The following SIM1 variants were observed in gnomAD, a reference collection of about 807,000 sequenced individuals.
The protein encoded by SIM1 is single-minded homolog 1.
SIM1 carries 18 observed loss-of-function variants against 78.2 expected under a neutral mutation model. The ratio of observed to expected loss-of-function variants is 0.23; its 90% confidence interval spans 0.16 to 0.34. The LOEUF (loss-of-function observed/expected upper bound fraction) is 0.34, where lower values mean the gene tolerates loss of function less well. SIM1 is among the 10% of genes least tolerant of loss of function. SIM1 has a pLI of 1.00. For synonymous variants in SIM1, 417 were observed against 385.2 expected (o/e 1.08, Z -0.97); for missense variants, 939 against 975.1 (o/e 0.96, Z 0.49).
At chr6:100,431,254 ATAGT>A (rs1298695505) in intron 9 of SIM1, among the ~76,000 whole-genome samples, 1 of 152,208 alleles carries the variant, frequency 6.6e-6, no homozygotes, top group Admixed American at 6.5e-5. Context: ...CCTCTTCTAG[ATAGT>A]TAATCATTAA....
chr6:100,421,420 G>C (rs1405008716), intron 9 of SIM1, among the ~76,000 whole-genome samples: 1 of 152,158 alleles, frequency 6.6e-6, no homozygotes, highest in Admixed American at 6.5e-5. Flanking sequence ...ATTATAAATA[G>C]TTAAAAATTC....
intron 3 of SIM1, among the ~76,000 whole-genome samples, chr6:100,452,378 G>A (rs1241939322): frequency 6.6e-6 from 1 of 152,210 alleles, no homozygotes. Flanking sequence ...CATGAGAGCA[G>A]GGCTTTCCAT....
In SIM1 at chr6:100,390,408, C is replaced by A; in HGVS notation, c.2254G>T (p.Ala752Ser). Residue 752 changes from alanine (A) to serine (S), a missense_variant, in exon 12 of 12, where the codon GCA becomes TCA. Around this residue, in one of 5 missense-constraint regions of SIM1, gnomAD observed 556 missense variants for 521.9 expected, o/e 1.07. Transcript: ENST00000369208. ...TSHLRMQPDP[A>S]QGHKGTSVII... ...ACAGATGTTCCCTTGTGTCCTTGTG[C>A]TGGGTCTGGTTGCATCCTCAGATGG... 6.2e-7 allele frequency: 1 copy of A among 1,614,122 alleles called. No individual in the cohort carries two copies. The highest frequency in any genetic ancestry group is 1.3e-5 in the African/African-American group (1 of 75,030).
At position 100,409,136 on chromosome 6, in the gene SIM1, G is replaced by T. The variant is rs1287425364; in HGVS notation, c.1167+11654C>A. Among the ~76,000 whole-genome samples the T allele has an allele frequency of 5.9e-5, 9 of 152,028 alleles. No homozygotes were observed. The East Asian group carries it at 1.7e-3, about 29-fold the overall frequency. ...TTTTTTTACATACTTTAAGTTTTAG[G>T]GTACATGTGCACAACGTGCAGGTTA... On this transcript the variant is annotated intron_variant, in intron 10 of 11. Coordinates refer to ENST00000369208, the MANE Select transcript of SIM1 (RefSeq NM_005068.3).
chr6:100,404,839 A>G (rs1179941688), intron 10 of SIM1, among the ~76,000 whole-genome samples: 1 of 152,190 alleles, frequency 6.6e-6, no homozygotes, highest in Non-Finnish European at 1.5e-5. Context: ...AATGCAACTT[A>G]TTTTGCTAAT....
At chr6:100,411,338 G>T (rs975381617) in intron 10 of SIM1, among the ~76,000 whole-genome samples, 1 of 152,222 alleles carries the variant, frequency 6.6e-6, no homozygotes, top group African/African-American at 2.4e-5. Context: ...CCCAGTTCAG[G>T]ACTGGAAACC....
At chr6:100,458,658 A>T (rs1470411267) in intron 2 of SIM1, among the ~76,000 whole-genome samples, 2 of 152,160 alleles carry the variant, frequency 1.3e-5, no homozygotes, top group East Asian at 3.9e-4. Flanking sequence ...CGGACAGAGG[A>T]TGGGACACAC....
In SIM1 at chr6:100,412,555, A is replaced by AAAGAAAGAAAGAAAGAAAG. The variant is rs1281547759; in HGVS notation, c.1167+8234_1167+8235insCTTTCTTTCTTTCTTTCTT. 1.6e-3 allele frequency among the ~76,000 whole-genome samples: 100 copies of AAAGAAAGAAAGAAAGAAAG among 64,484 alleles called. 7 individuals carry two copies. The highest frequency in any genetic ancestry group is 2.2e-3 in the Admixed American group (10 of 4,602). 42.3% of individuals were successfully genotyped at this position (64,484 alleles called of 152,430 possible). On this transcript the variant is annotated intron_variant, in intron 10 of 11. Transcript: ENST00000369208. ...CTGTCTAAGAAAGAAAGAAAGAAAG[A>AAAGAAAGAAAGAAAGAAAG]AAAGAAAGAAAGAAAGAAAGAAAGA...
At chr6:100,424,736 G>A (rs928133686) in intron 9 of SIM1, among the ~76,000 whole-genome samples, 1 of 152,020 alleles carries the variant, frequency 6.6e-6, no homozygotes, top group Non-Finnish European at 1.5e-5. Flanking sequence ...CCACCATGAT[G>A]AGCCTTGGAT....
intron 8 of SIM1, 61 bp downstream of exon 8, chr6:100,448,079 GCTCCCC>G (rs1275839810): frequency 2.2e-5 from 29 of 1,302,452 alleles, no homozygotes; most frequent in Non-Finnish European, 3.1e-5. Flanking sequence ...TTAAATCGTG[GCTCCCC>G]CACCCCCTAA....
At chr6:100,423,218 A>G (rs1409710932) in intron 9 of SIM1, among the ~76,000 whole-genome samples, 2 of 152,192 alleles carry the variant, frequency 1.3e-5, no homozygotes, top group African/African-American at 4.8e-5. Context: ...ATTTCCCTTC[A>G]TCTACCCCTT....
Position 100,412,601 on chromosome 6 carries a change from AAGAAAGAAAGGAAAGAAAGAAGG to A in SIM1, c.1167+8166_1167+8188del, listed in dbSNP as rs1771236277. Among the ~76,000 whole-genome samples the A allele has an allele frequency of 3.6e-5, 4 of 110,686 alleles. 1 individual carries two copies. Among genetic ancestry groups the A allele is most frequent in the African/African-American group, 1.2e-4 (4 of 32,920 alleles). The allele number at this position is 110,686 out of a possible 152,430, so 72.6% of individuals were successfully genotyped here. On this transcript the variant is annotated intron_variant, in intron 10 of 11. Transcript: ENST00000369208. ...AAAGAAAGAAAGAAAGAAAGAAAGA[AAGAAAGAAAGGAAAGAAAGAAGG>A]AAAGAAAGAAAGAAAAGAAAGAAAG...
intron 9 of SIM1, among the ~76,000 whole-genome samples, chr6:100,432,485 T>C (rs1771929364): frequency 6.6e-6 from 1 of 152,034 alleles, no homozygotes; most frequent in African/African-American, 2.4e-5. Flanking sequence ...ACAGAGAAGA[T>C]AAGAAACCAC....
rs955328940 is a variant in SIM1, at chr6:100,389,832, G to T, written c.*529C>A. 3 of 398,214 alleles carry T rather than the reference G, an allele frequency of 7.5e-6. No homozygotes were observed. Among genetic ancestry groups the T allele is most frequent in the African/African-American group, 6.2e-5 (3 of 48,608 alleles). The allele number at this position is 398,214 out of a possible 1,614,324, so 24.7% of individuals were successfully genotyped here. A position where few individuals can be genotyped will look rare whatever the true frequency, so the allele number is the denominator to read the frequency against. ...GAGCTGGCTGATTTGAAACCACAAA[G>T]AAGTCAGTTTATAAGATGTATCTCT... On this transcript the variant is annotated 3_prime_UTR_variant, in exon 12 of 12. Transcript: ENST00000369208.
At chr6:100,422,005 G>GT in intron 9 of SIM1, among the ~76,000 whole-genome samples, 1 of 145,260 alleles carries the variant, frequency 6.9e-6, no homozygotes, top group South Asian at 2.3e-4. Flanking sequence ...AAAATCAAAA[G>GT]TCCCCAAGCC....
intron 2 of SIM1, among the ~76,000 whole-genome samples, chr6:100,458,375 G>C (rs1772743576): frequency 6.6e-6 from 1 of 151,724 alleles, no homozygotes; most frequent in Non-Finnish European, 1.5e-5. Context: ...ACGCGCGGGC[G>C]AATCCCACTT....
intron 9 of SIM1, among the ~76,000 whole-genome samples, chr6:100,436,911 G>A (rs1428464133): frequency 1.3e-5 from 2 of 151,680 alleles, no homozygotes; most frequent in Non-Finnish European, 2.9e-5. Flanking sequence ...TTAATTTTTT[G>A]TATTTTAGTA....
At chr6:100,464,385 G>A (rs1460142261) in intron 1 of SIM1, among the ~76,000 whole-genome samples, 2 of 152,218 alleles carry the variant, frequency 1.3e-5, no homozygotes, top group Admixed American at 6.5e-5. Context: ...TCCTCAAAAA[G>A]TGACACTTAC....
chr6:100,445,582 A>G (rs1364200638), intron 9 of SIM1, among the ~76,000 whole-genome samples: 2 of 152,238 alleles, frequency 1.3e-5, no homozygotes, highest in East Asian at 3.8e-4. Context: ...ACAAAACAGA[A>G]TATTTCAAAA....
Sources: allele counts gnomAD v4.1 joint callset (sites outside exome capture counted in the v4.1 genomes callset), GRCh38; gene constraint gnomAD v4.1.1; regional missense constraint gnomAD v4.1.1; transcripts MANE v1.5; gene names NCBI Gene and HGNC (gene_info 2026-07-23, HGNC 2026-07-21).